SLC16A4: variants seen among roughly 807,000 people sequenced by gnomAD.
SLC16A4 encodes the protein probable monocarboxylate transporter 5.
In SLC16A4, 39 loss-of-function variants were observed where a neutral mutation model predicts 47.9. That is an observed-to-expected ratio of 0.81 (90% confidence interval 0.63 to 1.06). SLC16A4 has a LOEUF of 1.06. Ranked by LOEUF, SLC16A4 falls within the 50% of genes least tolerant of loss-of-function variation. The pLI is 0.00. For synonymous variants in SLC16A4, 189 were observed against 199.9 expected (o/e 0.95, Z 0.46); for missense variants, 524 against 573.8 (o/e 0.91, Z 0.89).
intron 8 of SLC16A4, among the ~76,000 whole-genome samples, chr1:110,373,351 A>G (rs997808448): frequency 1.3e-5 from 2 of 152,126 alleles, no homozygotes; most frequent in African/African-American, 4.8e-5. Flanking sequence ...ATCAAGATTG[A>G]AAAAAATGCA....
At chr1:110,384,791 G>T (rs891419892) in intron 2 of SLC16A4, among the ~76,000 whole-genome samples, 1 of 152,082 alleles carries the variant, frequency 6.6e-6, no homozygotes, top group Admixed American at 6.6e-5. Flanking sequence ...TGGGTGGATC[G>T]CTTGAGCCCA....
Position 110,377,004 on chromosome 1 carries a change from G to A in SLC16A4, c.1188C>T (p.Thr396=), listed in dbSNP as rs111438284. 89 of 1,613,990 alleles carry A rather than the reference G, an allele frequency of 5.5e-5. 1 individual carries two copies. Among genetic ancestry groups the A allele is most frequent in the Middle Eastern group, 1.6e-4 (1 of 6,084 alleles). ...CACCAGCAAAGATGGCAAAGCAGATGGTGTAGGTCATAAGTAGTGGAAATG... is the reference window on the plus strand; with the variant it reads ...CACCAGCAAAGATGGCAAAGCAGATAGTGTAGGTCATAAGTAGTGGAAATG... ...ATTFPLLMTY[T]ICFAIFAGGY... Residue 396 remains threonine, a synonymous_variant, in exon 7 of 9, where the codon ACC becomes ACT. Coordinates refer to ENST00000369779, the MANE Select transcript of SLC16A4 (RefSeq NM_004696.3).
At chr1:110,388,650 T>C (rs1474250946) in intron 2 of SLC16A4, among the ~76,000 whole-genome samples, 1 of 152,180 alleles carries the variant, frequency 6.6e-6, no homozygotes, top group Admixed American at 6.5e-5. Context: ...AACTGCTGAT[T>C]GTGACTGAGC....
Position 110,383,805 on chromosome 1 carries a change from G to GTTTT in SLC16A4, c.88-843_88-840dup, listed in dbSNP as rs71096348. 2.1e-3 allele frequency among the ~76,000 whole-genome samples: 140 copies of GTTTT among 65,726 alleles called. 5 individuals are homozygous for GTTTT. The highest frequency in any genetic ancestry group is 3.6e-3 in the African/African-American group (54 of 14,966). 43.1% of individuals were successfully genotyped at this position (65,726 alleles called of 152,430 possible). The stretch of plus-strand genomic sequence containing the variant: ...TTTTGGAAAGGGCTGTTAAAAGGAG[G>GTTTT]TTTTTTTTTTTTTTTTTTTTTTTTT... On this transcript the variant is annotated intron_variant, in intron 2 of 8. Coordinates refer to ENST00000369779, the MANE Select transcript of SLC16A4 (RefSeq NM_004696.3).
chr1:110,383,603 A>G (rs1662550224), intron 2 of SLC16A4, among the ~76,000 whole-genome samples: 1 of 152,008 alleles, frequency 6.6e-6, no homozygotes, highest in Non-Finnish European at 1.5e-5. Flanking sequence ...AAATTATCTC[A>G]AGCACTGATC....
chr1:110,368,299 A>T (rs1355394841), intron 8 of SLC16A4, among the ~76,000 whole-genome samples: 2 of 152,222 alleles, frequency 1.3e-5, no homozygotes, highest in African/African-American at 4.8e-5. Context: ...ACCAGTTATA[A>T]TCTAGGATAA....
Position 110,363,885 on chromosome 1 carries a change from A to G in SLC16A4, c.1345T>C (p.Tyr449His), listed in dbSNP as rs756066555. Residue 449 changes from tyrosine to histidine, a missense_variant, in exon 9 of 9, where the codon TAT (tyrosine) becomes CAT (histidine). Transcript: ENST00000369779. ...LSGPPIAGWLYDYTQTYNGSF... is the reference protein window; with the variant it reads ...LSGPPIAGWLHDYTQTYNGSF... ...CCATTGTATGTCTGGGTATAATCAT[A>G]TAACCAGCCTGGAAGGAAGGAATGA... 6 of 1,607,694 alleles carry G rather than the reference A, an allele frequency of 3.7e-6. No homozygotes were observed. Among genetic ancestry groups the G allele is most frequent in the South Asian group, 1.1e-5 (1 of 89,316 alleles).
intron 8 of SLC16A4, chr1:110,371,676 T>C (rs1190614698): frequency 1.3e-5 from 2 of 152,174 alleles, no homozygotes; most frequent in Admixed American, 6.5e-5. Flanking sequence ...AAAGCAGCAG[T>C]TGGGTTTGGA....
chr1:110,377,283 A>G, intron 6 of SLC16A4, 122 bp from the exon 7 acceptor site: 1 of 724,742 alleles, frequency 1.4e-6, no homozygotes, highest in Non-Finnish European at 2.3e-6. Context: ...GAAAAAAATG[A>G]TTTGATTTGT....
intron 8 of SLC16A4, among the ~76,000 whole-genome samples, chr1:110,364,395 G>T (rs1438413684): frequency 1.2e-4 from 18 of 151,742 alleles, no homozygotes; most frequent in Non-Finnish European, 2.2e-4. Flanking sequence ...TGTGATAAGT[G>T]CTATGAAGGG....
intron 5 of SLC16A4, among the ~76,000 whole-genome samples, chr1:110,380,449 T>C (rs920685859): frequency 6.6e-6 from 1 of 152,222 alleles, no homozygotes; most frequent in African/African-American, 2.4e-5. Context: ...GTTGAATCAT[T>C]TTTTATTCAT....
At chr1:110,387,268 A>T (rs1662781674) in intron 2 of SLC16A4, among the ~76,000 whole-genome samples, 1 of 151,582 alleles carries the variant, frequency 6.6e-6, no homozygotes. Context: ...TGGAACATTC[A>T]GTCTAGTAAG....
In SLC16A4 at chr1:110,377,151, C is replaced by T; in HGVS notation, c.1041G>A (p.Glu347=). The change falls in exon 7 of 9, where the codon GAG becomes GAA. Residue 347 remains glutamate, a synonymous_variant. Coordinates refer to ENST00000369779, the MANE Select transcript of SLC16A4 (RefSeq NM_004696.3). The part of the protein sequence containing the change: ...SYLVSVAGIL[E]TVSQIISGWV... The stretch of plus-strand genomic sequence containing the variant: ...ATCCAGAAATAATCTGACTGACCGT[C>T]TCAAGGATACCTGGAACAATATTGA... 1.2e-6 allele frequency: 2 copies of T among 1,613,544 alleles called. No individual in the cohort carries two copies. The highest frequency in any genetic ancestry group is 1.7e-6 in the Non-Finnish European group (2 of 1,179,582).
chr1:110,377,205 A>G, intron 6 of SLC16A4, 44 bp from the exon 7 acceptor site: 2 of 1,510,022 alleles, frequency 1.3e-6, no homozygotes, highest in Non-Finnish European at 1.8e-6. Context: ...GTCCCTTTGA[A>G]AAATGTGAAT....
At position 110,363,639 on chromosome 1, in the gene SLC16A4, A is replaced by AG. The variant is rs2100962312; in HGVS notation, c.*126_*127insC. 1 of 1,049,524 alleles carries AG rather than the reference A, an allele frequency of 9.5e-7. No homozygotes were observed. The highest frequency in any genetic ancestry group is 2.7e-5 in the East Asian group (1 of 36,598). 65.0% of individuals were successfully genotyped at this position (1,049,524 alleles called of 1,614,324 possible). A position where few individuals can be genotyped will look rare whatever the true frequency, so the allele number is the denominator to read the frequency against. ...AGACTCCGTCTCAAAAAAAAAAAAA[A>AG]AAAAATTGTTTTCCTTCTCATGTTA... On this transcript the variant is annotated 3_prime_UTR_variant, in exon 9 of 9. Transcript: ENST00000369779.
At chr1:110,390,215 G>GTA (rs2101090550) in intron 1 of SLC16A4, among the ~76,000 whole-genome samples, 1 of 152,160 alleles carries the variant, frequency 6.6e-6, no homozygotes, top group East Asian at 1.9e-4. Flanking sequence ...TCCTAGAACT[G>GTA]TACTCAGTGT....
chr1:110,382,575 G>A (rs1662467044), intron 3 of SLC16A4, among the ~76,000 whole-genome samples: 1 of 152,150 alleles, frequency 6.6e-6, no homozygotes, highest in Non-Finnish European at 1.5e-5. Context: ...TTAACAGACT[G>A]GAAAGGCAAT....
intron 3 of SLC16A4, among the ~76,000 whole-genome samples, chr1:110,382,157 G>A (rs1662437217): frequency 6.6e-6 from 1 of 152,190 alleles, no homozygotes; most frequent in Non-Finnish European, 1.5e-5. Flanking sequence ...AAAAGGAGAA[G>A]AAATTGGTTC....
chr1:110,364,892 CTTT>C (rs1001189945), intron 8 of SLC16A4, among the ~76,000 whole-genome samples: 1 of 151,114 alleles, frequency 6.6e-6, no homozygotes, highest in Non-Finnish European at 1.5e-5. Flanking sequence ...AAGCGAAACA[CTTT>C]TTTTTCTTTT....
Sources: gnomAD v4.1 joint callset for allele counts (sites outside exome capture counted in the v4.1 genomes callset) on GRCh38, gnomAD v4.1.1 for gene constraint, MANE v1.5 for transcripts, NCBI Gene and HGNC (gene_info 2026-07-23, HGNC 2026-07-21) for gene names.